CHEK2: variants seen among roughly 807,000 people sequenced by gnomAD.
CHEK2 encodes the protein checkpoint kinase 2, also known as serine/threonine-protein kinase Chk2.
A neutral mutation model predicts 69.1 loss-of-function variants in CHEK2; 71 were observed. The observed-to-expected ratio is 1.03, with a 90% CI of 0.85 to 1.25. The LOEUF is 1.25. Ranked by LOEUF, CHEK2 falls within the 50% of genes most tolerant of loss-of-function variation. The pLI, the probability that CHEK2 is intolerant of heterozygous loss-of-function variation, is 0.00. For missense variants in CHEK2, 664 were observed against 649.6 expected, an observed-to-expected ratio of 1.02 and a Z score of -0.24; for synonymous variants, 189 against 226.9, an observed-to-expected ratio of 0.83 and a Z score of 1.50.
chr22:28,696,724 A>C lies in CHEK2; in HGVS notation c.1095+177T>G, dbSNP rs181385992. 4.6e-5 allele frequency among the ~76,000 whole-genome samples: 7 copies of C among 152,280 alleles called. No homozygotes were observed. The East Asian group carries it at 1.2e-3, about 25-fold the overall frequency. ...AGGTCACTTGTACACAACAGAGCTC[A>C]ATAAATGCTCATTCGAATCTGGATA... On this transcript the variant is annotated intron_variant, in intron 10 of 14. Coordinates refer to ENST00000404276, the MANE Select transcript of CHEK2 (RefSeq NM_007194.4).
In CHEK2 at chr22:28,725,328, C is replaced by T. The variant is rs786202246; in HGVS notation, c.359G>A (p.Ser120Asn). 2.5e-6 allele frequency: 4 copies of T among 1,614,088 alleles called. No individual in the cohort carries two copies. The highest frequency in any genetic ancestry group is 3.4e-6 in the Non-Finnish European group (4 of 1,179,974). ...TGGTTCATCAAAGCAATATTCACAG[C>T]TTTTGTCCCTCCCAAACCAGTAGTT... ...NDNYWFGRDK[S>N]CEYCFDEPLL... The change falls in exon 3 of 15, where the codon AGC (serine) becomes AAC (asparagine). Residue 120 changes from serine to asparagine, a missense_variant. Physicochemically the swap from Ser to Asn is conservative, Grantham distance 46 (BLOSUM62 1). Coordinates refer to ENST00000404276, the MANE Select transcript of CHEK2 (RefSeq NM_007194.4).
At chr22:28,708,952 C>CAAAAAAAAAA (rs374623367) in intron 7 of CHEK2, 9 of 330,842 alleles carry the variant, frequency 2.7e-5, no homozygotes, top group Admixed American at 7.8e-5. Context: ...GCCTCCGTCT[C>CAAAAAAAAAA]AAAAAAAAAA....
At chr22:28,702,135 CTGTGTGTGTGTGTG>C (rs141703411) in intron 8 of CHEK2, among the ~76,000 whole-genome samples, 2 of 140,408 alleles carry the variant, frequency 1.4e-5, no homozygotes, top group South Asian at 2.4e-4. Context: ...GTGTGTGTGT[CTGTGTGTGTGTGTG>C]TGTGTGTGTG....
At chr22:28,703,177 A>G (rs543199872) in intron 8 of CHEK2, among the ~76,000 whole-genome samples, 2 of 152,306 alleles carry the variant, frequency 1.3e-5, no homozygotes, top group African/African-American at 4.8e-5. Context: ...GTGGGGGTTC[A>G]TTATAATCCC....
chr22:28,731,637 T>C (rs1270021372), intron 2 of CHEK2, among the ~76,000 whole-genome samples: 3 of 152,096 alleles, frequency 2.0e-5, no homozygotes, highest in Middle Eastern at 3.2e-3. Flanking sequence ...TCTCTATTTA[T>C]TCAGCACCTA....
In CHEK2 at chr22:28,719,487, TAAGG is replaced by T. The variant is rs2053697275; in HGVS notation, c.593-6_593-3del. ...CAGTCAGATCAAAAAAGACAAAAAC[TAAGG>T]AAGAAAAGAGTAGAAATGGGTTTCA... On this transcript the variant is annotated splice_polypyrimidine_tract_variant and splice_region_variant and intron_variant, in intron 4 of 14. Transcript: ENST00000404276. The T allele has an allele frequency of 6.4e-7, 1 of 1,560,158 alleles. No homozygotes were observed. Among genetic ancestry groups the T allele is most frequent in the Non-Finnish European group, 8.8e-7 (1 of 1,140,026 alleles).
At chr22:28,700,890 A>C (rs551384739) in intron 8 of CHEK2, among the ~76,000 whole-genome samples, 1 of 152,218 alleles carries the variant, frequency 6.6e-6, no homozygotes, top group South Asian at 2.1e-4. Context: ...CCCAGGTTCA[A>C]GCGATTCTCC....
chr22:28,741,163 A>G (rs887501255), intron 1 of CHEK2, among the ~76,000 whole-genome samples: 1 of 151,586 alleles, frequency 6.6e-6, no homozygotes, highest in African/African-American at 2.4e-5. Context: ...AAAAAAAAAA[A>G]AAAAAAAAAG....
chr22:28,699,693 T>C (rs1402987957), intron 9 of CHEK2, 145 bp downstream of exon 9: 3 of 706,430 alleles, frequency 4.2e-6, no homozygotes, highest in Non-Finnish European at 7.6e-6. Flanking sequence ...GTGAAAGGAG[T>C]AGGACATTTT....
chr22:28,730,464 C>A, intron 2 of CHEK2: 1 of 698,698 alleles, frequency 1.4e-6, no homozygotes, highest in Non-Finnish European at 2.6e-6. Flanking sequence ...ACCTCTTATC[C>A]CAGCACTTTG....
intron 9 of CHEK2, among the ~76,000 whole-genome samples, chr22:28,699,167 G>T (rs183976802): frequency 6.6e-6 from 1 of 151,954 alleles, no homozygotes; most frequent in South Asian, 2.1e-4. Context: ...ACCATGCCTG[G>T]CTATTTTTAT....
chr22:28,703,645 C>T (rs2145880670), intron 7 of CHEK2, 79 bp from the exon 8 acceptor site: 2 of 912,644 alleles, frequency 2.2e-6, no homozygotes, highest in East Asian at 2.6e-5. Context: ...AACATCTGCC[C>T]AGAGGGACAG....
intron 11 of CHEK2, 113 bp from the exon 12 acceptor site, chr22:28,695,355 A>G (rs2052532123): frequency 1.4e-6 from 1 of 730,602 alleles, no homozygotes; most frequent in African/African-American, 1.7e-5. Context: ...TCTTTAAATC[A>G]ATGGTCAAAA....
rs149538098 is a variant in CHEK2, at chr22:28,711,781, G to A, written c.792+128C>T. On this transcript the variant is annotated intron_variant, in intron 6 of 14. Transcript: ENST00000404276. ...TGCCCCAAAATTTTCCATGTTCTTT[G>A]ATACTCACAAATTCATCCATCTAAG... 2.1e-3 allele frequency: 1,477 copies of A among 707,284 alleles called. 7 individuals carry two copies. The highest frequency in any genetic ancestry group is 3.0e-3 in the Admixed American group (137 of 45,302). The allele number at this position is 707,284 out of a possible 1,614,324, so 43.8% of individuals were successfully genotyped here.
At chr22:28,730,491 G>A (rs1188383068) in intron 2 of CHEK2, 2 of 699,726 alleles carry the variant, frequency 2.9e-6, no homozygotes, top group South Asian at 3.0e-5. Context: ...TGAGGCAGGA[G>A]GATCAGATGA....
intron 11 of CHEK2, among the ~76,000 whole-genome samples, chr22:28,695,494 A>C (rs946539491): frequency 1.3e-5 from 2 of 151,982 alleles, no homozygotes; most frequent in Non-Finnish European, 2.9e-5. Context: ...CCATCACTAC[A>C]AAAAATAGAA....
At chr22:28,698,476 G>A (rs905698129) in intron 9 of CHEK2, among the ~76,000 whole-genome samples, 1 of 152,098 alleles carries the variant, frequency 6.6e-6, no homozygotes, top group Non-Finnish European at 1.5e-5. Flanking sequence ...CTCTGGGTTA[G>A]AACAAAAATT....
At chr22:28,700,063 C>T (rs771464934) in intron 8 of CHEK2, 126 bp from the exon 9 acceptor site, 9 of 686,276 alleles carry the variant, frequency 1.3e-5, no homozygotes, top group Non-Finnish European at 2.1e-5. Context: ...TCACTTTTGA[C>T]TCTCATTTTT....
Position 28,695,816 on chromosome 22 carries a change from A to G in CHEK2, c.1153T>C (p.Cys385Arg), listed in dbSNP as rs587782817. Residue 385 changes from cysteine to arginine, a missense_variant, in exon 11 of 15, where the codon TGT (cysteine) becomes CGT (arginine). Cys to Arg is a radical substitution (Grantham distance 180). Transcript: ENST00000404276. ...LGETSLMRTLCGTPTYLAPEV... is the reference protein window; with the variant it reads ...LGETSLMRTLRGTPTYLAPEV... ...GGCGCCAAGTAGGTGGGGGTTCCAC[A>G]TAAGGTTCTCATGAGAGAGGTCTCT... 7 of 1,613,800 alleles carry G rather than the reference A, an allele frequency of 4.3e-6. No homozygotes were observed. The highest frequency in any genetic ancestry group is 2.2e-5 in the South Asian group (2 of 91,078).
Sources: allele counts gnomAD v4.1 joint callset (sites outside exome capture counted in the v4.1 genomes callset), GRCh38; gene constraint gnomAD v4.1.1; transcripts MANE v1.5; gene names NCBI Gene and HGNC (gene_info 2026-07-23, HGNC 2026-07-21).